SGCZ: variants seen among roughly 807,000 people sequenced by gnomAD.
SGCZ encodes sarcoglycan zeta.
Under a neutral mutation model 41.3 loss-of-function variants are expected in SGCZ, and 40 were observed. That is an observed-to-expected ratio of 0.97 (90% CI 0.75 to 1.26). SGCZ has a LOEUF of 1.26. Among genes scored for constraint, SGCZ ranks in the 50% most tolerant of loss-of-function variants. The pLI, the probability that SGCZ is intolerant of heterozygous loss-of-function variation, is 0.00. For synonymous variants in SGCZ, 206 were observed against 137.5 expected (o/e 1.50, Z -3.49); for missense variants, 552 against 369.8 (o/e 1.49, Z -4.04).
chr8:14,412,895 G>C (rs1215987486), intron 2 of SGCZ, among the ~76,000 whole-genome samples: 1 of 151,924 alleles, frequency 6.6e-6, no homozygotes, highest in Non-Finnish European at 1.5e-5. Context: ...TGTCTGGTAT[G>C]AATTATTATC....
intron 7 of SGCZ, among the ~76,000 whole-genome samples, chr8:14,096,410 T>C (rs1801846266): frequency 6.6e-6 from 1 of 152,166 alleles, no homozygotes; most frequent in Non-Finnish European, 1.5e-5. Flanking sequence ...ATTACATATA[T>C]TGATTTGGAT....
intron 3 of SGCZ, among the ~76,000 whole-genome samples, chr8:14,277,379 C>A (rs978308873): frequency 3.3e-5 from 5 of 152,084 alleles, no homozygotes; most frequent in Admixed American, 1.3e-4. Flanking sequence ...CTTCAAATGC[C>A]AGTTCAAATT....
intron 3 of SGCZ, among the ~76,000 whole-genome samples, chr8:14,259,970 G>T (rs768238254): frequency 1.3e-5 from 2 of 152,104 alleles, no homozygotes; most frequent in African/African-American, 2.4e-5. Flanking sequence ...CCATTTGTTT[G>T]TATCCTCTTT....
chr8:14,269,464 T>A (rs1799989229), intron 3 of SGCZ, among the ~76,000 whole-genome samples: 1 of 152,092 alleles, frequency 6.6e-6, no homozygotes, highest in Non-Finnish European at 1.5e-5. Context: ...AACGAGGCAC[T>A]GCATCAGAAA....
chr8:14,122,751 T>A, intron 5 of SGCZ, among the ~76,000 whole-genome samples: 1 of 152,202 alleles, frequency 6.6e-6, no homozygotes, highest in East Asian at 1.9e-4. Context: ...CCCTTGTTTT[T>A]AGGAATTCTT....
At chr8:14,383,061 C>T (rs1305786849) in intron 2 of SGCZ, among the ~76,000 whole-genome samples, 3 of 152,116 alleles carry the variant, frequency 2.0e-5, no homozygotes, top group African/African-American at 7.2e-5. Flanking sequence ...TGTTTTGTTC[C>T]CAAAATTGTC....
chr8:15,036,403 G>A (rs1803878504), intron 1 of SGCZ, among the ~76,000 whole-genome samples: 1 of 152,046 alleles, frequency 6.6e-6, no homozygotes, highest in Non-Finnish European at 1.5e-5. Flanking sequence ...GGGCCTATTG[G>A]AGGGTATAGA....
At chr8:14,481,755 A>G (rs904709539) in intron 2 of SGCZ, among the ~76,000 whole-genome samples, 2 of 152,200 alleles carry the variant, frequency 1.3e-5, no homozygotes, top group African/African-American at 4.8e-5. Context: ...AAAAACTTTT[A>G]AATTGAAGTA....
chr8:14,204,296 T>G (rs1805549920), intron 4 of SGCZ, among the ~76,000 whole-genome samples: 1 of 151,610 alleles, frequency 6.6e-6, no homozygotes, highest in African/African-American at 2.4e-5. Flanking sequence ...TTTTTTTTCT[T>G]GCTTTTGGCT....
At chr8:14,232,219 T>C (rs1806597744) in intron 4 of SGCZ, among the ~76,000 whole-genome samples, 2 of 151,862 alleles carry the variant, frequency 1.3e-5, no homozygotes, top group Non-Finnish European at 2.9e-5. Context: ...ATGAACAATC[T>C]TGAAACCTTT....
intron 4 of SGCZ, among the ~76,000 whole-genome samples, chr8:14,232,695 G>A (rs887430957): frequency 3.3e-5 from 5 of 151,888 alleles, no homozygotes; most frequent in African/African-American, 1.2e-4. Context: ...CTGGTGTGCT[G>A]CACCCATTAA....
chr8:14,390,701 A>T (rs1804739545), intron 2 of SGCZ, among the ~76,000 whole-genome samples: 1 of 152,022 alleles, frequency 6.6e-6, no homozygotes, highest in African/African-American at 2.4e-5. Context: ...TATTTAAATT[A>T]TATGAAAATA....
intron 1 of SGCZ, among the ~76,000 whole-genome samples, chr8:14,845,440 A>T (rs1803067362): frequency 6.6e-6 from 1 of 152,212 alleles, no homozygotes. Context: ...ATGCCTGAAA[A>T]CTAATCCAAT....
At chr8:14,676,313 T>C (rs889012979) in intron 1 of SGCZ, among the ~76,000 whole-genome samples, 7 of 139,952 alleles carry the variant, frequency 5.0e-5, no homozygotes, top group South Asian at 2.2e-4. Flanking sequence ...CTGAACAGCA[T>C]AGAGAGATCC....
chr8:14,350,982 C>A (rs1467565724), intron 2 of SGCZ, among the ~76,000 whole-genome samples: 3 of 152,218 alleles, frequency 2.0e-5, no homozygotes, highest in African/African-American at 7.2e-5. Context: ...TTCCATTGCT[C>A]ATGTCTATGC....
intron 1 of SGCZ, among the ~76,000 whole-genome samples, chr8:14,844,479 A>T (rs1803033955): frequency 6.6e-6 from 1 of 152,112 alleles, no homozygotes; most frequent in Non-Finnish European, 1.5e-5. Flanking sequence ...ATAGCTTCAA[A>T]TGCTATGGTG....
chr8:14,556,743 TC>T (rs1198174127), intron 1 of SGCZ, among the ~76,000 whole-genome samples: 1 of 152,044 alleles, frequency 6.6e-6, no homozygotes, highest in East Asian at 1.9e-4. Flanking sequence ...TAGTCTCCAA[TC>T]CCATCCAGGT....
chr8:14,086,142 T>A lies in SGCZ; in HGVS notation c.*4301A>T, dbSNP rs552878145. Among the ~76,000 whole-genome samples the A allele has an allele frequency of 1.3e-5, 2 of 151,794 alleles. No individual in the cohort carries two copies. The highest frequency in any genetic ancestry group is 2.1e-4 in the South Asian group (1 of 4,824). ...CATTAAATATGATCACATGAACAAC[T>A]CTTATTAGACCACAGCTATTTGAAG... On this transcript the variant is annotated 3_prime_UTR_variant, in exon 8 of 8. Coordinates refer to ENST00000382080, the MANE Select transcript of SGCZ (RefSeq NM_139167.4).
chr8:14,700,589 C>G (rs67200850), intron 1 of SGCZ, among the ~76,000 whole-genome samples: 44,088 of 151,616 alleles, frequency 0.29, 6,831 homozygotes, highest in East Asian at 0.4. Context: ...CATACCAGCA[C>G]ATGTACCCCC....
Sources: allele counts gnomAD v4.1 joint callset (sites outside exome capture counted in the v4.1 genomes callset), GRCh38; gene constraint gnomAD v4.1.1; transcripts MANE v1.5; gene names NCBI Gene and HGNC (gene_info 2026-07-23, HGNC 2026-07-21).